The following SKAP2 variants were observed in gnomAD, a reference collection of about 807,000 sequenced individuals.
The protein encoded by SKAP2 is src kinase-associated phosphoprotein 2.
A neutral mutation model predicts 54.9 loss-of-function variants in SKAP2; 28 were observed. The observed-to-expected ratio is 0.51, with a 90% CI of 0.38 to 0.70. The LOEUF is 0.70. SKAP2 is among the 30% of genes least tolerant of loss of function. The pLI is 0.00. For synonymous variants in SKAP2, 137 were observed against 134.3 expected, an observed-to-expected ratio of 1.02 and a Z score of -0.14; for missense variants, 356 against 424.1, an observed-to-expected ratio of 0.84 and a Z score of 1.41.
intron 11 of SKAP2, among the ~76,000 whole-genome samples, chr7:26,683,472 T>C (rs892310421): frequency 6.6e-6 from 1 of 152,000 alleles, no homozygotes; most frequent in South Asian, 2.1e-4. Context: ...GTTGGCTTTA[T>C]TTATTTTATC....
At chr7:26,666,759 A>G (rs1249513501), downstream of SKAP2, among the ~76,000 whole-genome samples, 3 of 152,170 alleles carry the variant, frequency 2.0e-5, no homozygotes, top group African/African-American at 7.2e-5. Context: ...GGACTAAATG[A>G]CATTCTTTTT....
chr7:26,802,665 G>C (rs560235241), intron 4 of SKAP2, among the ~76,000 whole-genome samples: 1 of 151,926 alleles, frequency 6.6e-6, no homozygotes, highest in African/African-American at 2.4e-5. Context: ...GGTGGATCAC[G>C]AGGTCAAGAG....
chr7:26,792,365 C>T (rs186541389), intron 4 of SKAP2, among the ~76,000 whole-genome samples: 1 of 152,218 alleles, frequency 6.6e-6, no homozygotes, highest in African/African-American at 2.4e-5. Flanking sequence ...ACCTGATAAA[C>T]CTGATCTAAA....
At chr7:26,808,331 A>G (rs28465643) in intron 4 of SKAP2, among the ~76,000 whole-genome samples, 12,633 of 152,252 alleles carry the variant, frequency 0.083, 586 homozygotes, top group Middle Eastern at 0.16. Context: ...GATGACCCTT[A>G]AAGACATTAT....
intron 4 of SKAP2, among the ~76,000 whole-genome samples, chr7:26,803,615 TG>T (rs1783959804): frequency 6.6e-6 from 1 of 152,204 alleles, no homozygotes. Context: ...ATCCCACTGC[TG>T]GATATATGCC....
intron 4 of SKAP2, among the ~76,000 whole-genome samples, chr7:26,780,816 G>T (rs1783409204): frequency 6.6e-6 from 1 of 151,998 alleles, no homozygotes; most frequent in Admixed American, 6.6e-5. Context: ...CACATGAGGA[G>T]TAATGTCTAA....
intron 9 of SKAP2, 21 bp downstream of exon 9, chr7:26,725,407 G>T: frequency 6.3e-7 from 1 of 1,590,344 alleles, no homozygotes; most frequent in South Asian, 1.1e-5. Context: ...ATCTTTAAAT[G>T]AATCACCAGA....
chr7:26,805,567 G>A (rs924692668), intron 4 of SKAP2, among the ~76,000 whole-genome samples: 1 of 152,086 alleles, frequency 6.6e-6, no homozygotes, highest in African/African-American at 2.4e-5. Flanking sequence ...AGTCATGAGG[G>A]CACTCAAGTA....
At chr7:26,840,059 T>C (rs549131142) in intron 4 of SKAP2, among the ~76,000 whole-genome samples, 1 of 152,218 alleles carries the variant, frequency 6.6e-6, no homozygotes, top group African/African-American at 2.4e-5. Flanking sequence ...ATTTAAAAAA[T>C]AGTTCCATTC....
intron 11 of SKAP2, among the ~76,000 whole-genome samples, chr7:26,680,489 A>AT (rs1562573062): frequency 6.6e-6 from 1 of 152,204 alleles, no homozygotes; most frequent in Non-Finnish European, 1.5e-5. Flanking sequence ...CTCAAATATG[A>AT]TTTTCCCCCA....
chr7:26,749,177 C>T (rs539010886), intron 4 of SKAP2, among the ~76,000 whole-genome samples: 2 of 152,082 alleles, frequency 1.3e-5, no homozygotes, highest in East Asian at 1.9e-4. Flanking sequence ...TTTAACCATA[C>T]GACTTTCTTT....
At chr7:26,752,773 G>T (rs1383943540) in intron 4 of SKAP2, among the ~76,000 whole-genome samples, 1 of 152,112 alleles carries the variant, frequency 6.6e-6, no homozygotes, top group Non-Finnish European at 1.5e-5. Context: ...CATAAACCTG[G>T]ATGAAGATCA....
chr7:26,665,509 C>T (rs1786090532), downstream of SKAP2, among the ~76,000 whole-genome samples: 1 of 152,022 alleles, frequency 6.6e-6, no homozygotes, highest in African/African-American at 2.4e-5. Context: ...TTGTGGGGTG[C>T]CAAATCAGTT....
At chr7:26,694,681 C>T (rs1187701919) in intron 9 of SKAP2, among the ~76,000 whole-genome samples, 2 of 151,390 alleles carry the variant, frequency 1.3e-5, no homozygotes, top group Non-Finnish European at 2.9e-5. Context: ...AACAACTGCA[C>T]CCACCCCTCT....
At chr7:26,667,053 T>C (rs1228250154), downstream of SKAP2, 1 of 152,230 alleles carries the variant, frequency 6.6e-6, no homozygotes, top group East Asian at 1.9e-4. Context: ...TGTTGAATTA[T>C]TAGCATCATA....
At chr7:26,711,478 G>C (rs1257057461) in intron 9 of SKAP2, among the ~76,000 whole-genome samples, 1 of 152,186 alleles carries the variant, frequency 6.6e-6, no homozygotes, top group Non-Finnish European at 1.5e-5. Flanking sequence ...ACTAAAGTTT[G>C]ATCTGTGTGC....
At chr7:26,785,539 C>T (rs1783526894) in intron 4 of SKAP2, among the ~76,000 whole-genome samples, 3 of 152,158 alleles carry the variant, frequency 2.0e-5, no homozygotes, top group Admixed American at 2.0e-4. Context: ...CATCAAAGGG[C>T]ATATCACAAG....
chr7:26,802,117 A>G (rs540128830), intron 4 of SKAP2, among the ~76,000 whole-genome samples: 1 of 152,340 alleles, frequency 6.6e-6, no homozygotes, highest in South Asian at 2.1e-4. Flanking sequence ...ACAGAGTTAT[A>G]GTTATCAAAA....
chr7:26,754,317 T>C (rs1782744113), intron 4 of SKAP2, among the ~76,000 whole-genome samples: 1 of 145,244 alleles, frequency 6.9e-6, no homozygotes, highest in South Asian at 2.2e-4. Flanking sequence ...CAAGCCAAGA[T>C]CACACCACAG....
Sources: allele counts gnomAD v4.1 joint callset (sites outside exome capture counted in the v4.1 genomes callset), GRCh38; gene constraint gnomAD v4.1.1; transcripts MANE v1.5; gene names NCBI Gene and HGNC (gene_info 2026-07-23, HGNC 2026-07-21).